The following MYH15 variants were observed in gnomAD, a reference collection of about 807,000 sequenced individuals.
The protein encoded by MYH15 is myosin-15.
MYH15 carries 227 observed loss-of-function variants against 240.5 expected under a neutral mutation model. The observed-to-expected ratio is 0.94, with a 90% confidence interval of 0.85 to 1.05. The LOEUF (loss-of-function observed/expected upper bound fraction) is 1.05. Among genes scored for constraint, MYH15 ranks in the 50% least tolerant of loss-of-function variants. The probability of loss-of-function intolerance (pLI) is 0.00; values close to 1 mark genes in which losing one functional copy is unlikely to be tolerated. For missense variants in MYH15, 2,217 were observed against 2,247.5 expected (o/e 0.99, Z 0.27); for synonymous variants, 785 against 796.7 (o/e 0.99, Z 0.25).
chr3:108,456,351 A>C (rs2083019398), intron 19 of MYH15, among the ~76,000 whole-genome samples: 1 of 152,164 alleles, frequency 6.6e-6, no homozygotes, highest in African/African-American at 2.4e-5. Flanking sequence ...CTAGAATCCA[A>C]GAAATAGAAA....
At chr3:108,411,845 G>C (rs974329099) in intron 30 of MYH15, among the ~76,000 whole-genome samples, 1 of 152,164 alleles carries the variant, frequency 6.6e-6, no homozygotes, top group African/African-American at 2.4e-5. Context: ...TGGTAATAAA[G>C]TCCCCTTTTG....
upstream of MYH15, among the ~76,000 whole-genome samples, chr3:108,531,803 A>ATAC (rs1559679462): frequency 3.9e-3 from 588 of 150,762 alleles, 2 homozygotes; most frequent in African/African-American, 0.014. Context: ...TAAATAAATA[A>ATAC]ATACATAAAT....
chr3:108,476,205 A>G (rs1186943585), intron 12 of MYH15, among the ~76,000 whole-genome samples, 192 bp downstream of exon 12: 1 of 152,226 alleles, frequency 6.6e-6, no homozygotes, highest in Non-Finnish European at 1.5e-5. Context: ...TATGTTTCAG[A>G]CAAGAGCATT....
chr3:108,474,117 C>T (rs1208427897), intron 12 of MYH15, among the ~76,000 whole-genome samples: 11 of 152,076 alleles, frequency 7.2e-5, no homozygotes, highest in Non-Finnish European at 1.2e-4. Flanking sequence ...AGAATGTTAA[C>T]GTTGCAAAAA....
intron 29 of MYH15, among the ~76,000 whole-genome samples, chr3:108,416,548 G>A (rs2082633671): frequency 6.6e-6 from 1 of 152,038 alleles, no homozygotes; most frequent in South Asian, 2.1e-4. Flanking sequence ...TCCTGAAAGA[G>A]CCTTGCTGCC....
At chr3:108,390,778 T>C (rs571379740) in intron 37 of MYH15, among the ~76,000 whole-genome samples, 5 of 152,256 alleles carry the variant, frequency 3.3e-5, no homozygotes, top group South Asian at 2.1e-4. Flanking sequence ...ACTGCTGAGT[T>C]TTTTTCTTTG....
chr3:108,474,951 C>T (rs867635880), intron 12 of MYH15, among the ~76,000 whole-genome samples: 1 of 151,946 alleles, frequency 6.6e-6, no homozygotes, highest in Non-Finnish European at 1.5e-5. Context: ...GGTTAGAAGA[C>T]AAAAATCTAA....
At chr3:108,455,678 G>A (rs202033587) in intron 20 of MYH15, 58 bp downstream of exon 20, 149 of 1,572,574 alleles carry the variant, frequency 9.5e-5, no homozygotes, top group Middle Eastern at 5.0e-4. Context: ...GGTATTTTAA[G>A]ATACACAGTC....
chr3:108,541,592 T>C, the MYH15 span, among the ~76,000 whole-genome samples: 4 of 152,104 alleles, frequency 2.6e-5, no homozygotes, highest in African/African-American at 4.8e-5. Context: ...AACACCATAA[T>C]GGTTGAAAAA....
chr3:108,405,398 TC>T lies in MYH15; in HGVS notation c.4675del (p.Glu1559LysfsTer17). 6.5e-7 allele frequency: 1 copy of T among 1,527,620 alleles called. No individual in the cohort carries two copies. The highest frequency in any genetic ancestry group is 1.3e-5 in the South Asian group (1 of 76,446). The allele number at this position is 1,527,620 out of a possible 1,614,324, so 94.6% of individuals were successfully genotyped here. A position where few individuals can be genotyped will look rare whatever the true frequency, so the allele number is the denominator to read the frequency against. ...CTTTCTTTCAAGTTCTGCTTTAGCT[TC>T]CAAGAGTTCAAGCTGGAAATGAAGA... ...KILHFQLELLEAKAELERKLS... is the reference protein window; with the variant it reads ...KILHFQLELLXAKAELERKLS... On this transcript the variant is annotated frameshift_variant, in exon 33 of 41. Transcript: ENST00000693548. LOFTEE classifies it high-confidence loss of function.
chr3:108,464,770 A>G lies in MYH15; in HGVS notation c.1599T>C (p.Pro533=). Residue 533 remains proline, a synonymous_variant, in exon 15 of 41, where the codon CCT becomes CCC. Transcript: ENST00000693548. ...TCTTGAAAGTCAGGTCTGTAGCCTT[A>G]GGAAACATACACTCTTCTTCAAGGA... is the stretch of plus-strand genomic sequence containing the variant. The part of the protein sequence containing the change: ...LSILEEECMF[P]KATDLTFKTK... 6.2e-7 allele frequency: 1 copy of G among 1,613,676 alleles called. No homozygotes were observed. The highest frequency in any genetic ancestry group is 8.5e-7 in the Non-Finnish European group (1 of 1,179,784).
chr3:108,478,532 T>C (rs1369673746), intron 11 of MYH15, among the ~76,000 whole-genome samples: 1 of 152,154 alleles, frequency 6.6e-6, no homozygotes, highest in Non-Finnish European at 1.5e-5. Flanking sequence ...ATCATAGACT[T>C]TTTGAACTGA....
At chr3:108,432,760 G>A (rs975138891) in intron 25 of MYH15, among the ~76,000 whole-genome samples, 3 of 152,186 alleles carry the variant, frequency 2.0e-5, no homozygotes, top group Non-Finnish European at 2.9e-5. Context: ...ACTTCCACCT[G>A]GTATGGAGCC....
At chr3:108,464,610 C>T in intron 15 of MYH15, 28 bp downstream of exon 15, 2 of 1,564,986 alleles carry the variant, frequency 1.3e-6, no homozygotes, top group Non-Finnish European at 1.7e-6. Context: ...CAGGAAAATT[C>T]AAGACCGGGG....
intron 1 of MYH15, among the ~76,000 whole-genome samples, chr3:108,508,796 T>G (rs2083499383): frequency 6.6e-6 from 1 of 152,192 alleles, no homozygotes; most frequent in South Asian, 2.1e-4. Flanking sequence ...TTATTTACAT[T>G]TGGCTTTCGA....
chr3:108,496,019 C>T (rs925960677), intron 6 of MYH15, 147 bp from the exon 7 acceptor site: 21 of 539,096 alleles, frequency 3.9e-5, no homozygotes, highest in Admixed American at 2.2e-4. Flanking sequence ...ATATTATCTT[C>T]GAATGAGAAA....
intron 39 of MYH15, among the ~76,000 whole-genome samples, chr3:108,384,205 A>G (rs1000333490): frequency 5.3e-5 from 8 of 152,198 alleles, no homozygotes; most frequent in African/African-American, 1.9e-4. Context: ...ATCAATATAT[A>G]TGACACTTAT....
chr3:108,435,837 T>TAC (rs34885657), intron 25 of MYH15, among the ~76,000 whole-genome samples: 2,195 of 147,316 alleles, frequency 0.015, 15 homozygotes, highest in African/African-American at 0.03. Context: ...TGTATATGTA[T>TAC]ACACACACAC....
At chr3:108,486,034 G>T (rs987001167) in intron 10 of MYH15, among the ~76,000 whole-genome samples, 4 of 152,230 alleles carry the variant, frequency 2.6e-5, no homozygotes, top group African/African-American at 4.8e-5. Flanking sequence ...ATGCTTAAAC[G>T]ATTAAACTGA....
Sources: allele counts gnomAD v4.1 joint callset (sites outside exome capture counted in the v4.1 genomes callset), GRCh38; gene constraint gnomAD v4.1.1; transcripts MANE v1.5; gene names NCBI Gene and HGNC (gene_info 2026-07-23, HGNC 2026-07-21).